The following GSK3B variants were observed in gnomAD, a reference collection of about 807,000 sequenced individuals.
GSK3B encodes glycogen synthase kinase 3 beta, also known as glycogen synthase kinase-3 beta.
GSK3B carries 15 observed loss-of-function variants against 56.4 expected under a neutral mutation model. The observed-to-expected ratio is 0.27, with a 90% CI of 0.18 to 0.41. The LOEUF is 0.41. GSK3B is among the 10% of genes least tolerant of loss of function. GSK3B has a pLI of 1.00. For synonymous variants in GSK3B, 181 were observed against 188.9 expected (o/e 0.96, Z 0.34); for missense variants, 300 against 513.4 (o/e 0.58, Z 4.02).
chr3:119,898,064 C>T (rs1469634775), intron 7 of GSK3B, among the ~76,000 whole-genome samples: 1 of 152,110 alleles, frequency 6.6e-6, no homozygotes, highest in Non-Finnish European at 1.5e-5. Flanking sequence ...AACAATATGT[C>T]CAATCTACTG....
intron 2 of GSK3B, among the ~76,000 whole-genome samples, chr3:119,983,638 A>G (rs144306489): frequency 9.1e-4 from 138 of 152,344 alleles, no homozygotes; most frequent in African/African-American, 3.2e-3. Flanking sequence ...TAAAGGAGTC[A>G]ATTCAACAAG....
intron 5 of GSK3B, 107 bp from the exon 6 acceptor site, chr3:119,912,917 C>T (rs887637661): frequency 5.3e-5 from 26 of 492,186 alleles, no homozygotes; most frequent in African/African-American, 4.8e-4. Context: ...ATAAGATTCA[C>T]ATCATTTGAA....
intron 1 of GSK3B, among the ~76,000 whole-genome samples, chr3:120,051,592 C>T (rs555207354): frequency 1.3e-5 from 2 of 152,036 alleles, no homozygotes; most frequent in African/African-American, 4.8e-5. Context: ...CATGGCAAAA[C>T]CCCATCTCTA....
chr3:119,974,734 A>G (rs2057395936), intron 2 of GSK3B, among the ~76,000 whole-genome samples: 1 of 152,220 alleles, frequency 6.6e-6, no homozygotes, highest in African/African-American at 2.4e-5. Flanking sequence ...GATGTTCAAC[A>G]TCATATGTCA....
intron 2 of GSK3B, among the ~76,000 whole-genome samples, chr3:119,978,289 A>G (rs2057425998): frequency 6.6e-6 from 1 of 152,000 alleles, no homozygotes; most frequent in Admixed American, 6.6e-5. Flanking sequence ...CCCTCCTCCC[A>G]AAGAGATTCC....
chr3:119,843,456 G>T lies in GSK3B; in HGVS notation c.1097-103C>A, dbSNP rs1405534817. On this transcript the variant is annotated intron_variant, in intron 9 of 10. Coordinates refer to ENST00000264235, the MANE Select transcript of GSK3B (RefSeq NM_001146156.2). ...AATAAGATTCTGCATTAAACTACCA[G>T]TTTATGCCGGGCGCAGTGGCTCACG... 2.4e-5 allele frequency: 13 copies of T among 550,060 alleles called. No homozygotes were observed. In the East Asian group the frequency reaches 6.0e-4, roughly 25 times the overall value. 34.1% of individuals were successfully genotyped at this position (550,060 alleles called of 1,614,324 possible).
intron 1 of GSK3B, among the ~76,000 whole-genome samples, chr3:120,052,347 G>A (rs1020746126): frequency 3.3e-5 from 5 of 152,070 alleles, no homozygotes; most frequent in Admixed American, 6.6e-5. Context: ...CTCAGACCAG[G>A]CACAAACCCT....
At chr3:119,984,914 T>C (rs2057500579) in intron 2 of GSK3B, among the ~76,000 whole-genome samples, 2 of 152,230 alleles carry the variant, frequency 1.3e-5, no homozygotes, top group Admixed American at 6.5e-5. Flanking sequence ...CCAATATCCC[T>C]GATGAACATT....
intron 4 of GSK3B, among the ~76,000 whole-genome samples, chr3:119,918,348 C>T (rs1410280399): frequency 2.0e-5 from 3 of 151,262 alleles, no homozygotes; most frequent in Non-Finnish European, 4.4e-5. Flanking sequence ...TGGTGCACGC[C>T]TGTAATCCCA....
intron 3 of GSK3B, among the ~76,000 whole-genome samples, chr3:119,924,378 C>T (rs1189750763): frequency 2.0e-5 from 3 of 152,360 alleles, no homozygotes; most frequent in African/African-American, 7.2e-5. Context: ...CAAACTTTCA[C>T]AATCTCCCAA....
intron 1 of GSK3B, among the ~76,000 whole-genome samples, chr3:120,082,382 G>GTTTTTTT (rs1296252569): frequency 2.8e-5 from 2 of 72,512 alleles, no homozygotes; most frequent in African/African-American, 1.1e-4. Context: ...AAATTAGTAT[G>GTTTTTTT]TTCTTTTTTT....
At chr3:120,053,426 A>G (rs999863262) in intron 1 of GSK3B, among the ~76,000 whole-genome samples, 5 of 152,230 alleles carry the variant, frequency 3.3e-5, no homozygotes, top group Non-Finnish European at 1.5e-5. Context: ...TAAAATCAGT[A>G]ATTTCATTCA....
intron 2 of GSK3B, among the ~76,000 whole-genome samples, chr3:119,956,226 T>C (rs923148259): frequency 6.6e-6 from 1 of 152,016 alleles, no homozygotes; most frequent in South Asian, 2.1e-4. Flanking sequence ...CAGAAAGAAG[T>C]GAGTTCAATT....
chr3:119,839,495 G>C (rs2055740268), intron 10 of GSK3B, among the ~76,000 whole-genome samples: 2 of 152,024 alleles, frequency 1.3e-5, no homozygotes, highest in South Asian at 4.1e-4. Flanking sequence ...GTTTATCTAG[G>C]AGCCTCGGTA....
chr3:119,901,949 C>G, intron 7 of GSK3B, among the ~76,000 whole-genome samples: 1 of 151,936 alleles, frequency 6.6e-6, no homozygotes. Context: ...GTTAGTTTCC[C>G]CCAGATACTC....
intron 2 of GSK3B, among the ~76,000 whole-genome samples, chr3:119,984,704 G>A (rs1325699931): frequency 6.6e-6 from 1 of 152,162 alleles, no homozygotes; most frequent in Non-Finnish European, 1.5e-5. Context: ...AACAGGCTCT[G>A]AAATTGAGGC....
chr3:120,029,183 T>C, intron 1 of GSK3B: 1 of 684,004 alleles, frequency 1.5e-6, no homozygotes, highest in Non-Finnish European at 2.7e-6. Context: ...AAAAGAGACT[T>C]CAGAAAGGAG....
At chr3:119,939,984 A>C (rs1354414217) in intron 3 of GSK3B, among the ~76,000 whole-genome samples, 2 of 152,088 alleles carry the variant, frequency 1.3e-5, no homozygotes, top group African/African-American at 4.8e-5. Context: ...AAAATGGAGA[A>C]TAAAACCCTA....
At chr3:119,911,661 CTTAG>C (rs1454627580) in intron 6 of GSK3B, among the ~76,000 whole-genome samples, 2 of 152,202 alleles carry the variant, frequency 1.3e-5, no homozygotes, top group East Asian at 1.9e-4. Flanking sequence ...CATCGATGAT[CTTAG>C]TTAGATCTTC....
Sources: allele counts gnomAD v4.1 joint callset (sites outside exome capture counted in the v4.1 genomes callset), GRCh38; gene constraint gnomAD v4.1.1; transcripts MANE v1.5; gene names NCBI Gene and HGNC (gene_info 2026-07-23, HGNC 2026-07-21).